PDE10A: variants seen among roughly 807,000 people sequenced by gnomAD.
The protein encoded by PDE10A is phosphodiesterase 10A, also known as cAMP and cAMP-inhibited cGMP 3',5'-cyclic phosphodiesterase 10A.
A neutral mutation model predicts 97.7 loss-of-function variants in PDE10A; 39 were observed. The observed-to-expected ratio is 0.40, with a 90% CI of 0.31 to 0.52. PDE10A has a LOEUF of 0.52. PDE10A is among the 20% of genes least tolerant of loss of function. The pLI, the probability that PDE10A is intolerant of heterozygous loss-of-function variation, is 0.56. For missense variants in PDE10A, 731 were observed against 1,047.8 expected (o/e 0.70, Z 4.17); for synonymous variants, 371 against 376.8 (o/e 0.98, Z 0.18).
At chr6:165,815,066 A>G (rs1779373589) in intron 1 of PDE10A, among the ~76,000 whole-genome samples, 1 of 152,248 alleles carries the variant, frequency 6.6e-6, no homozygotes. Flanking sequence ...CTTTTCAAAC[A>G]AAGCAATAAA....
chr6:165,486,681 C>T (rs1583387163), intron 2 of PDE10A, among the ~76,000 whole-genome samples: 3 of 152,170 alleles, frequency 2.0e-5, no homozygotes, highest in South Asian at 4.1e-4. Context: ...AGATTGCTGG[C>T]CAGAGTTTTG....
At chr6:165,570,258 C>A (rs1321082025) in intron 1 of PDE10A, among the ~76,000 whole-genome samples, 1 of 152,104 alleles carries the variant, frequency 6.6e-6, no homozygotes, top group Admixed American at 6.5e-5. Flanking sequence ...AATAACTGGA[C>A]AAATATTGTG....
chr6:165,906,515 G>A (rs1381470172), intron 1 of PDE10A, among the ~76,000 whole-genome samples: 2 of 152,154 alleles, frequency 1.3e-5, no homozygotes, highest in African/African-American at 4.8e-5. Flanking sequence ...AATGAACTTG[G>A]TGGGTCCCAA....
At chr6:165,549,089 C>T (rs932550987) in intron 1 of PDE10A, among the ~76,000 whole-genome samples, 1 of 152,184 alleles carries the variant, frequency 6.6e-6, no homozygotes, top group Non-Finnish European at 1.5e-5. Context: ...CCATCCTCTG[C>T]TAGTATGAGA....
At chr6:165,963,954 GC>G (rs1356557134) in intron 1 of PDE10A, among the ~76,000 whole-genome samples, 1 of 152,240 alleles carries the variant, frequency 6.6e-6, no homozygotes, top group Non-Finnish European at 1.5e-5. Flanking sequence ...GAATCCGTCA[GC>G]TAAGGTGTCA....
intron 18 of PDE10A, among the ~76,000 whole-genome samples, chr6:165,350,283 T>A (rs1438218738): frequency 6.6e-6 from 1 of 152,174 alleles, no homozygotes; most frequent in Non-Finnish European, 1.5e-5. Context: ...ATGTGAGACA[T>A]GGAGTTGAAG....
intron 1 of PDE10A, among the ~76,000 whole-genome samples, chr6:165,617,719 C>T (rs144580564): frequency 8.5e-5 from 13 of 152,156 alleles, no homozygotes; most frequent in East Asian, 1.9e-4. Flanking sequence ...AGTCCCAGCA[C>T]GCAGATGTGA....
chr6:165,899,905 T>C (rs1782057058), intron 1 of PDE10A, among the ~76,000 whole-genome samples: 1 of 152,240 alleles, frequency 6.6e-6, no homozygotes, highest in African/African-American at 2.4e-5. Flanking sequence ...GTTTTTTCCC[T>C]TTTCTTTTTG....
intron 1 of PDE10A, among the ~76,000 whole-genome samples, chr6:165,918,325 T>C (rs1257045728): frequency 6.6e-6 from 1 of 152,220 alleles, no homozygotes; most frequent in African/African-American, 2.4e-5. Context: ...ATATGGGTAA[T>C]GTAAATATAA....
intron 1 of PDE10A, among the ~76,000 whole-genome samples, chr6:165,609,318 C>T (rs1787379085): frequency 6.6e-6 from 1 of 152,160 alleles, no homozygotes; most frequent in Non-Finnish European, 1.5e-5. Context: ...GCCCTTCATG[C>T]TAAAAATTCT....
chr6:165,410,920 C>T (rs1787716885), intron 13 of PDE10A, among the ~76,000 whole-genome samples: 1 of 67,766 alleles, frequency 1.5e-5, no homozygotes, highest in Non-Finnish European at 2.7e-5. Flanking sequence ...AACCCCGTCT[C>T]TACTAAAAAT....
chr6:165,688,080 G>C lies in PDE10A; in HGVS notation c.-614-144512C>G, dbSNP rs1044565769. 2.6e-5 allele frequency among the ~76,000 whole-genome samples: 4 copies of C among 152,200 alleles called. No individual in the cohort carries two copies. In the South Asian group the frequency reaches 8.3e-4, roughly 32 times the overall value. The stretch of plus-strand genomic sequence containing the variant: ...CGTGGTGTTTTCTCACCTGAGACAT[G>C]GAAAACATGCCACAGGTGCCACGTA... On this transcript the variant is annotated intron_variant, in intron 1 of 19. Transcript: ENST00000366882.
chr6:165,342,661 T>C (rs1488215779), intron 19 of PDE10A, among the ~76,000 whole-genome samples: 1 of 152,370 alleles, frequency 6.6e-6, no homozygotes, highest in African/African-American at 2.4e-5. Context: ...CTTTTATTTA[T>C]TCAAACCAGA....
chr6:165,649,318 G>A (rs1300239982), intron 1 of PDE10A, among the ~76,000 whole-genome samples: 1 of 152,172 alleles, frequency 6.6e-6, no homozygotes, highest in Non-Finnish European at 1.5e-5. Flanking sequence ...ACTAGAAGCA[G>A]AGCACAGGAA....
At chr6:165,877,724 C>G (rs1781381103) in intron 1 of PDE10A, among the ~76,000 whole-genome samples, 1 of 151,686 alleles carries the variant, frequency 6.6e-6, no homozygotes, top group Non-Finnish European at 1.5e-5. Context: ...TACTCTACCT[C>G]TTCACAAAAA....
intron 1 of PDE10A, among the ~76,000 whole-genome samples, chr6:165,591,917 T>C (rs968194182): frequency 1.3e-5 from 2 of 152,056 alleles, no homozygotes; most frequent in African/African-American, 4.8e-5. Flanking sequence ...AAAACACAAA[T>C]AGACAAAAAT....
In PDE10A at chr6:165,810,143, G is replaced by A. The variant is rs775890189; in HGVS notation, c.-615+177386C>T. On this transcript the variant is annotated intron_variant, in intron 1 of 19. Transcript: ENST00000366882. The stretch of plus-strand genomic sequence containing the variant: ...GCAAGCCAGGTGGTTCAGGAGAGGT[G>A]AACTGGTGTTGATCCCCCGTGAGCT... Among the ~76,000 whole-genome samples the A allele has an allele frequency of 2.0e-5, 3 of 152,130 alleles. No individual in the cohort carries two copies. In the East Asian group the frequency reaches 5.8e-4, roughly 29 times the overall value.
At chr6:165,855,605 CAAG>C (rs140060137) in intron 1 of PDE10A, among the ~76,000 whole-genome samples, 3,363 of 151,864 alleles carry the variant, frequency 0.022, 67 homozygotes, top group South Asian at 0.11. Flanking sequence ...GAACAGAAAC[CAAG>C]AATAACCACA....
Position 165,778,491 on chromosome 6 carries a change from G to A in PDE10A, c.-615+209038C>T, listed in dbSNP as rs143259913. The stretch of plus-strand genomic sequence containing the variant: ...TTTTCTCTATAATGACTTCTGGGCT[G>A]TCTCCAAAGCTGCTCTGGACTTCCC... On this transcript the variant is annotated intron_variant, in intron 1 of 19. Coordinates refer to the PDE10A transcript ENST00000366882. Among the ~76,000 whole-genome samples, 26 of 152,306 alleles carry A rather than the reference G, an allele frequency of 1.7e-4. No individual in the cohort carries two copies. The East Asian group carries it at 4.4e-3, about 26-fold the overall frequency.
Sources: allele counts gnomAD v4.1 joint callset (sites outside exome capture counted in the v4.1 genomes callset), GRCh38; gene constraint gnomAD v4.1.1; transcripts MANE v1.5; gene names NCBI Gene and HGNC (gene_info 2026-07-23, HGNC 2026-07-21).